Variants in SUSD4 observed in about 807,000 individuals in gnomAD.
SUSD4 encodes the protein sushi domain-containing protein 4.
Under a neutral mutation model 50.5 loss-of-function variants are expected in SUSD4, and 41 were observed. The ratio of observed to expected loss-of-function variants is 0.81; its 90% CI spans 0.63 to 1.05. SUSD4 has a LOEUF of 1.05. Among genes scored for constraint, SUSD4 ranks in the 50% least tolerant of loss-of-function variants. SUSD4 has a pLI of 0.00. For missense variants in SUSD4, 580 were observed against 634.7 expected (o/e 0.91, Z 0.93); for synonymous variants, 257 against 257.3 (o/e 1.00, Z 0.01).
chr1:223,317,561 CAG>C (rs1331929734), intron 2 of SUSD4, among the ~76,000 whole-genome samples: 2 of 152,154 alleles, frequency 1.3e-5, no homozygotes, highest in African/African-American at 4.8e-5. Context: ...GGTCAAGCAG[CAG>C]AGTCTTTGGA....
At chr1:223,303,043 G>T (rs1239939002) in intron 2 of SUSD4, among the ~76,000 whole-genome samples, 1 of 152,122 alleles carries the variant, frequency 6.6e-6, no homozygotes, top group Non-Finnish European at 1.5e-5. Flanking sequence ...AGCTACTCAG[G>T]AGGCTGAAGT....
At chr1:223,320,135 C>G (rs987411920) in intron 2 of SUSD4, among the ~76,000 whole-genome samples, 2 of 152,104 alleles carry the variant, frequency 1.3e-5, no homozygotes, top group Non-Finnish European at 2.9e-5. Context: ...GGAGAGATTT[C>G]TTTGTTAAAT....
rs1659778668 is a variant in SUSD4 at position 223,229,901 on chromosome 1, GTTC to G, written c.725-516_725-514del. Among the ~76,000 whole-genome samples the G allele has an allele frequency of 6.6e-6, 1 of 152,212 alleles. No homozygotes were observed. The highest frequency in any genetic ancestry group is 1.5e-5 in the Non-Finnish European group (1 of 68,032). ...CTTAGCCAATGACGAACATGGAGCA[GTTC>G]TTCTAGCTCTGCTTGCAGAGCCAGG... is the stretch of plus-strand genomic sequence containing the variant. On this transcript the variant is annotated intron_variant, in intron 5 of 8. Transcript: ENST00000366878. The surrounding 1 kb of genome is among the most constrained non-coding windows in gnomAD (Gnocchi z 4.7).
At chr1:223,316,776 C>T in intron 2 of SUSD4, among the ~76,000 whole-genome samples, 1 of 152,118 alleles carries the variant, frequency 6.6e-6, no homozygotes, top group Non-Finnish European at 1.5e-5. Context: ...GTTAGTAGGT[C>T]ACAGGGCAGG....
At chr1:223,313,554 A>C (rs1471890685) in intron 2 of SUSD4, among the ~76,000 whole-genome samples, 1 of 152,162 alleles carries the variant, frequency 6.6e-6, no homozygotes, top group Non-Finnish European at 1.5e-5. Flanking sequence ...TAGTAGTGTC[A>C]GAGGCATTTG....
upstream of SUSD4, among the ~76,000 whole-genome samples, chr1:223,365,177 G>A (rs1669245740): frequency 6.6e-6 from 1 of 152,160 alleles, no homozygotes; most frequent in Non-Finnish European, 1.5e-5. Flanking sequence ...GCCCCAAGTG[G>A]AGAGAGTTGG....
intron 5 of SUSD4, among the ~76,000 whole-genome samples, chr1:223,246,456 C>G (rs1304480471): frequency 6.6e-6 from 1 of 152,022 alleles, no homozygotes; most frequent in Non-Finnish European, 1.5e-5. Context: ...GCCGGAGGGT[C>G]CAGGGAGAGC....
intron 2 of SUSD4, among the ~76,000 whole-genome samples, chr1:223,293,827 T>C (rs1438839506): frequency 1.3e-5 from 2 of 151,890 alleles, no homozygotes; most frequent in African/African-American, 4.8e-5. Context: ...ATGCTCCTAA[T>C]ATGTCCTTAC....
At chr1:223,341,956 C>A (rs187774752) in intron 2 of SUSD4, among the ~76,000 whole-genome samples, 1 of 152,116 alleles carries the variant, frequency 6.6e-6, no homozygotes, top group Non-Finnish European at 1.5e-5. Context: ...AGCTAAAGAT[C>A]GCTCATTGGC....
chr1:223,244,131 G>T (rs1456112167), intron 5 of SUSD4, among the ~76,000 whole-genome samples: 1 of 152,224 alleles, frequency 6.6e-6, no homozygotes, highest in Non-Finnish European at 1.5e-5. Flanking sequence ...CAGGAGTTGG[G>T]ATGGAGCTCT....
At chr1:223,309,522 C>T (rs1007511913) in intron 2 of SUSD4, among the ~76,000 whole-genome samples, 23 of 152,130 alleles carry the variant, frequency 1.5e-4, no homozygotes, top group African/African-American at 5.3e-4. Context: ...GAGGGGCTAC[C>T]GTGAGTAGGA....
rs1183999123 is a variant in SUSD4 at position 223,332,589 on chromosome 1, G to A, written c.148+30689C>T. Among the ~76,000 whole-genome samples the A allele has an allele frequency of 3.3e-5, 5 of 152,294 alleles. No individual in the cohort carries two copies. Among genetic ancestry groups the A allele is most frequent in the Middle Eastern group, 3.4e-3 (1 of 294 alleles). On this transcript the variant is annotated intron_variant, in intron 2 of 8. Coordinates refer to ENST00000366878, the MANE Select transcript of SUSD4 (RefSeq NM_017982.4). This position sits in a 1 kb window ranked among gnomAD's most constrained non-coding sequence, Gnocchi z 4.0. ...TAATGCTGTAATTTGGATTCAAGACGTAAAAAATACATCTCAGGCACTGAA... is the reference window on the plus strand; with the variant it reads ...TAATGCTGTAATTTGGATTCAAGACATAAAAAATACATCTCAGGCACTGAA...
intron 2 of SUSD4, among the ~76,000 whole-genome samples, chr1:223,296,327 T>C (rs1275214646): frequency 2.0e-5 from 3 of 152,030 alleles, no homozygotes; most frequent in Non-Finnish European, 4.4e-5. Flanking sequence ...AATGTCAGGG[T>C]AGATGGCAGT....
intron 3 of SUSD4, among the ~76,000 whole-genome samples, chr1:223,290,824 C>T (rs1664442901): frequency 6.6e-6 from 1 of 152,116 alleles, no homozygotes; most frequent in Non-Finnish European, 1.5e-5. Flanking sequence ...TGACAGAAGG[C>T]CTTCATCTCT....
intron 3 of SUSD4, among the ~76,000 whole-genome samples, chr1:223,288,111 A>G (rs938336775): frequency 2.6e-5 from 4 of 152,208 alleles, no homozygotes; most frequent in African/African-American, 9.6e-5. Context: ...CTGTGTTCCC[A>G]CCCAAATTTC....
Position 223,314,977 on chromosome 1 carries a change from T to C in SUSD4, c.149-22326A>G, listed in dbSNP as rs143482168. Among the ~76,000 whole-genome samples, 831 of 152,322 alleles carry C rather than the reference T, an allele frequency of 5.5e-3. 6 individuals are homozygous for C. The highest frequency in any genetic ancestry group is 0.019 in the African/African-American group (779 of 41,574). On this transcript the variant is annotated intron_variant, in intron 2 of 8. Transcript: ENST00000366878. The stretch of plus-strand genomic sequence containing the variant: ...TGTGTCTTTCAGGCTCTGCCTCAGA[T>C]GGGAAAGAGGAGGCTGAGGGAGTGG...
chr1:223,234,797 T>C, intron 5 of SUSD4: 1 of 1,005,874 alleles, frequency 9.9e-7, no homozygotes, highest in South Asian at 2.6e-5. Context: ...AGATACACAC[T>C]AAAATAAAGA....
Position 223,222,067 on chromosome 1 carries a change from A to T in SUSD4, c.*125T>A. ...GTGGAGCCTGAGATGCATAATGTGA[A>T]CTGTGGTCCCCATGTAGACAAGTTA... On this transcript the variant is annotated 3_prime_UTR_variant, in exon 9 of 9. Transcript: ENST00000366878. 1 of 885,852 alleles carries T rather than the reference A, an allele frequency of 1.1e-6. No homozygotes were observed. Among genetic ancestry groups the T allele is most frequent in the South Asian group, 1.7e-5 (1 of 57,254 alleles). 54.9% of individuals were successfully genotyped at this position (885,852 alleles called of 1,614,324 possible). A position where few individuals can be genotyped will look rare whatever the true frequency, so the allele number is the denominator to read the frequency against.
intron 5 of SUSD4, among the ~76,000 whole-genome samples, chr1:223,240,255 C>G (rs1660489101): frequency 6.6e-6 from 1 of 151,946 alleles, no homozygotes. Context: ...TTTCTGGTTG[C>G]AGTTGTTTTA....
Sources: gnomAD v4.1 joint callset for allele counts (sites outside exome capture counted in the v4.1 genomes callset) on GRCh38, gnomAD v4.1.1 for gene constraint, Gnocchi (gnomAD v3.1) non-coding constraint, MANE v1.5 for transcripts, NCBI Gene and HGNC (gene_info 2026-07-23, HGNC 2026-07-21) for gene names.